Variants in ACO2 observed in about 807,000 individuals in gnomAD.
ACO2 encodes the protein aconitate hydratase, mitochondrial.
A neutral mutation model predicts 84.5 loss-of-function variants in ACO2; 31 were observed. That is an observed-to-expected ratio of 0.37 (90% CI 0.28 to 0.50). The LOEUF is 0.50. Among genes scored for constraint, ACO2 ranks in the 20% least tolerant of loss-of-function variants. ACO2 has a pLI of 0.97. For synonymous variants in ACO2, 414 were observed against 412.7 expected, an observed-to-expected ratio of 1.00 and a Z score of -0.04; for missense variants, 685 against 1,029.3, an observed-to-expected ratio of 0.67 and a Z score of 4.58.
chr22:41,470,414 C>T (rs1290139016), intron 1 of ACO2, among the ~76,000 whole-genome samples: 1 of 151,594 alleles, frequency 6.6e-6, no homozygotes, highest in Non-Finnish European at 1.5e-5. Context: ...CATCACATTG[C>T]TTAAATTGAA....
chr22:41,491,307 G>T (rs1316697278), intron 1 of ACO2, among the ~76,000 whole-genome samples: 3 of 152,156 alleles, frequency 2.0e-5, no homozygotes, highest in Non-Finnish European at 4.4e-5. Context: ...ACTGCCAGGG[G>T]CCCATGAGCA....
Position 41,515,900 on chromosome 22 carries a change from A to G in ACO2, c.818A>G (p.Asp273Gly). 1 of 1,613,764 alleles carries G rather than the reference A, an allele frequency of 6.2e-7. No individual in the cohort carries two copies. Among genetic ancestry groups the G allele is most frequent in the Non-Finnish European group, 8.5e-7 (1 of 1,179,888 alleles). Residue 273 changes from aspartate to glycine, a missense_variant, in exon 6 of 18, where the codon GAC becomes GGC. By Grantham distance (94) the Asp-to-Gly change is moderately conservative (BLOSUM62 -1). Transcript: ENST00000216254. The surrounding 1 kb of genome is among the most constrained non-coding windows in gnomAD (Gnocchi z 5.8). ...GTGGAATACCACGGGCCTGGTGTAG[A>G]CTCCATCTCCTGCACTGGTGAGGAA... ...AIVEYHGPGV[D>G]SISCTGMATI...
At chr22:41,476,433 C>T (rs937342454) in intron 1 of ACO2, among the ~76,000 whole-genome samples, 2 of 137,626 alleles carry the variant, frequency 1.5e-5, no homozygotes, top group Non-Finnish European at 3.1e-5. Context: ...AAAGGCCAGA[C>T]GCAGTGGCTC....
intron 3 of ACO2, among the ~76,000 whole-genome samples, chr22:41,510,665 C>T (rs905486463): frequency 1.3e-5 from 2 of 152,158 alleles, no homozygotes; most frequent in African/African-American, 2.4e-5. Flanking sequence ...AGAATCCCAC[C>T]GTTTTGTTAC....
chr22:41,485,514 C>T (rs1043412932), intron 1 of ACO2, among the ~76,000 whole-genome samples: 1 of 145,462 alleles, frequency 6.9e-6, no homozygotes, highest in Admixed American at 7.1e-5. Context: ...GATCTCGGCT[C>T]ACTGCAGGCT....
In ACO2 at chr22:41,493,543, T is replaced by G. The variant is rs573703424; in HGVS notation, c.37-6183T>G. On this transcript the variant is annotated intron_variant, in intron 1 of 17. Transcript: ENST00000216254. ...GAAAGTCTAGCTGTCTTTTACTTTT[T>G]TGTTGCAATGAGCAGATAGACTAGT... 2.0e-5 allele frequency among the ~76,000 whole-genome samples: 3 copies of G among 152,316 alleles called. No homozygotes were observed. In the East Asian group the frequency reaches 5.8e-4, roughly 29 times the overall value.
intron 6 of ACO2, chr22:41,517,196 C>T (rs548680719): frequency 3.1e-4 from 111 of 353,930 alleles, no homozygotes; most frequent in South Asian, 2.6e-3. Flanking sequence ...GCCTACAGTA[C>T]GTGGTGCCTG....
chr22:41,519,726 T>G (rs1036990116), intron 8 of ACO2, among the ~76,000 whole-genome samples: 3 of 150,618 alleles, frequency 2.0e-5, no homozygotes, highest in Non-Finnish European at 4.4e-5. Flanking sequence ...AAGAATGGTG[T>G]GAACCCGAGA....
chr22:41,496,928 G>A (rs977681655), intron 1 of ACO2, among the ~76,000 whole-genome samples: 2 of 152,126 alleles, frequency 1.3e-5, no homozygotes, highest in African/African-American at 2.4e-5. Flanking sequence ...GATTGACAGC[G>A]TTTGGATTAT....
At position 41,523,864 on chromosome 22, in the gene ACO2, G is replaced by A. The variant is rs202122407; in HGVS notation, c.1405G>A (p.Val469Ile). ...DIKKGEKNTI[V>I]TSYNRNFTGR... ...CAAGAAGGGGGAGAAGAACACAATCGTCACCTCCTACAACAGGAACTTCAC... is the reference window on the plus strand; with the variant it reads ...CAAGAAGGGGGAGAAGAACACAATCATCACCTCCTACAACAGGAACTTCAC... The change falls in exon 12 of 18, where the codon GTC becomes ATC. Residue 469 changes from valine (V) to isoleucine (I), a missense_variant. This residue lies in a region of ACO2 where 311 missense variants were observed against 441.6 expected (regional missense o/e 0.70). Coordinates refer to ENST00000216254, the MANE Select transcript of ACO2 (RefSeq NM_001098.3). 2.4e-5 allele frequency: 39 copies of A among 1,612,056 alleles called. No homozygotes were observed. Among genetic ancestry groups the A allele is most frequent in the Admixed American group, 8.3e-5 (5 of 60,000 alleles).
chr22:41,509,114 AG>A (rs1460873415), intron 3 of ACO2, among the ~76,000 whole-genome samples: 1 of 152,184 alleles, frequency 6.6e-6, no homozygotes, highest in African/African-American at 2.4e-5. Flanking sequence ...ATAATGTTAC[AG>A]GAGCTCCCAC....
chr22:41,511,563 C>T (rs1199729314), intron 3 of ACO2, among the ~76,000 whole-genome samples: 1 of 152,246 alleles, frequency 6.6e-6, no homozygotes. Context: ...TTAGACCAGT[C>T]CCTTCTCCAG....
intron 1 of ACO2, among the ~76,000 whole-genome samples, chr22:41,477,613 GC>G (rs2038034343): frequency 6.6e-6 from 1 of 152,134 alleles, no homozygotes; most frequent in African/African-American, 2.4e-5. Context: ...AATGCCTTCT[GC>G]CTCACAGGGT....
chr22:41,491,965 C>G (rs960439177), intron 1 of ACO2, among the ~76,000 whole-genome samples: 4 of 152,152 alleles, frequency 2.6e-5, no homozygotes, highest in Admixed American at 6.5e-5. Flanking sequence ...GGCCGAGATT[C>G]TAGAGGTAGC....
chr22:41,507,433 T>C (rs1295450784), intron 2 of ACO2, among the ~76,000 whole-genome samples: 1 of 152,120 alleles, frequency 6.6e-6, no homozygotes. Flanking sequence ...TTGTTGTTGT[T>C]GTTAAATGGC....
In ACO2 at chr22:41,524,981, G is replaced by A. The variant is rs769168125; in HGVS notation, c.1605+13G>A. On this transcript the variant is annotated intron_variant, in intron 13 of 17. Transcript: ENST00000216254. ...GCTTCCCAAAGGGGTGAGCGCCCACGCCCCCTGCTTGCTGGTTGCTGTGTG... is the reference window on the plus strand; with the variant it reads ...GCTTCCCAAAGGGGTGAGCGCCCACACCCCCTGCTTGCTGGTTGCTGTGTG... 2.6e-5 allele frequency: 42 copies of A among 1,613,982 alleles called. No individual in the cohort carries two copies. The East Asian group carries it at 5.1e-4, about 20-fold the overall frequency.
rs760530687 is a variant in ACO2, at chr22:41,518,771, T to TA, written c.1032+216dup. The stretch of plus-strand genomic sequence containing the variant: ...CAACATAGTGAAACCCCGTCTCTAC[T>TA]AAAAAAAAAAAAAAAAATACAAAAA... On this transcript the variant is annotated intron_variant, in intron 8 of 17. Coordinates refer to ENST00000216254, the MANE Select transcript of ACO2 (RefSeq NM_001098.3). Among the ~76,000 whole-genome samples the TA allele has an allele frequency of 0.039, 4,842 of 124,868 alleles. 243 individuals are homozygous for TA. Among genetic ancestry groups the TA allele is most frequent in the African/African-American group, 0.12 (4,178 of 34,374 alleles). 81.9% of individuals were successfully genotyped at this position (124,868 alleles called of 152,430 possible).
At chr22:41,503,414 T>G (rs1250275777) in intron 2 of ACO2, among the ~76,000 whole-genome samples, 1 of 152,106 alleles carries the variant, frequency 6.6e-6, no homozygotes. Flanking sequence ...CACTGCAACC[T>G]CTGCCTCCCA....
At chr22:41,475,780 C>A (rs1177635762) in intron 1 of ACO2, among the ~76,000 whole-genome samples, 1 of 151,778 alleles carries the variant, frequency 6.6e-6, no homozygotes, top group Non-Finnish European at 1.5e-5. Context: ...TGCCTGTGAT[C>A]CCAGCTACTC....
Sources: allele counts gnomAD v4.1 joint callset (sites outside exome capture counted in the v4.1 genomes callset), GRCh38; gene constraint gnomAD v4.1.1; regional missense constraint gnomAD v4.1.1; non-coding constraint Gnocchi (gnomAD v3.1); transcripts MANE v1.5; gene names NCBI Gene and HGNC (gene_info 2026-07-23, HGNC 2026-07-21).